The following PHYKPL variants were observed in gnomAD, a reference collection of about 807,000 sequenced individuals.
PHYKPL encodes 5-phosphohydroxy-L-lysine phospho-lyase.
PHYKPL carries 42 observed loss-of-function variants against 51.3 expected under a neutral mutation model. That is an observed-to-expected ratio of 0.82 (90% CI 0.64 to 1.06). PHYKPL has a LOEUF of 1.06. Ranked by LOEUF, PHYKPL falls within the 50% of genes least tolerant of loss-of-function variation. The probability of loss-of-function intolerance (pLI) is 0.00; values close to 1 mark genes in which losing one functional copy is unlikely to be tolerated. For missense variants in PHYKPL, 655 were observed against 586.6 expected, an observed-to-expected ratio of 1.12 and a Z score of -1.20; for synonymous variants, 264 against 236.0, an observed-to-expected ratio of 1.12 and a Z score of -1.09.
chr5:178,223,741 T>C (rs1164431189), intron 6 of PHYKPL: 1 of 336,096 alleles, frequency 3.0e-6, no homozygotes, highest in African/African-American at 2.2e-5. Context: ...CAGTGAAGCC[T>C]TCAGAGAGCC....
intron 10 of PHYKPL, among the ~76,000 whole-genome samples, chr5:178,213,419 C>T (rs1759065012): frequency 6.6e-6 from 1 of 152,224 alleles, no homozygotes; most frequent in Non-Finnish European, 1.5e-5. Flanking sequence ...CACCTGCATT[C>T]TCTGGTTTTC....
chr5:178,223,690 T>C (rs1342279559), intron 6 of PHYKPL: 1 of 348,116 alleles, frequency 2.9e-6, no homozygotes, highest in Non-Finnish European at 5.7e-6. Flanking sequence ...ACAGGCTGCC[T>C]TTCTTTGTCG....
chr5:178,219,307 A>G (rs1047317992), intron 8 of PHYKPL, among the ~76,000 whole-genome samples: 3 of 152,176 alleles, frequency 2.0e-5, no homozygotes, highest in Admixed American at 1.3e-4. Flanking sequence ...AGGGATTAGC[A>G]TAATAGATAT....
downstream of PHYKPL, among the ~76,000 whole-genome samples, chr5:178,207,665 T>TTG (rs1757135170): frequency 6.6e-6 from 1 of 151,298 alleles, no homozygotes; most frequent in South Asian, 2.1e-4. Context: ...AACCAAGTCT[T>TTG]TGTCCACTTC....
At chr5:178,232,470 C>T in intron 1 of PHYKPL, 22 bp downstream of exon 1, 2 of 1,354,734 alleles carry the variant, frequency 1.5e-6, no homozygotes, top group Non-Finnish European at 1.9e-6. Context: ...CGCCCCCCGC[C>T]GCCCGCCCCC....
chr5:178,224,956 G>C, intron 4 of PHYKPL: 4 of 572,100 alleles, frequency 7.0e-6, no homozygotes, highest in Non-Finnish European at 1.2e-5. Flanking sequence ...ATCTCTCTCG[G>C]TTGTTTTCTC....
At chr5:178,214,493 T>C (rs1759337140) in intron 10 of PHYKPL, among the ~76,000 whole-genome samples, 1 of 152,170 alleles carries the variant, frequency 6.6e-6, no homozygotes, top group East Asian at 1.9e-4. Context: ...CTGAGTGCCC[T>C]GCTAGCTTGG....
chr5:178,225,545 T>C, intron 3 of PHYKPL, 116 bp from the exon 4 acceptor site: 1 of 931,726 alleles, frequency 1.1e-6, no homozygotes, highest in Non-Finnish European at 1.7e-6. Flanking sequence ...CATCAACTAG[T>C]CAGTCACTTG....
At chr5:178,214,710 G>C (rs1433616662) in intron 10 of PHYKPL, 86 bp downstream of exon 10, 8 of 1,256,916 alleles carry the variant, frequency 6.4e-6, no homozygotes, top group African/African-American at 1.5e-5. Context: ...TGGGGGTACA[G>C]ATGAGGCTCC....
chr5:178,217,185 A>G (rs549160567), intron 8 of PHYKPL, among the ~76,000 whole-genome samples: 11 of 152,276 alleles, frequency 7.2e-5, no homozygotes, highest in South Asian at 4.1e-4. Flanking sequence ...GTTGATAAGC[A>G]CAATAAATGA....
chr5:178,217,363 G>C (rs1248764564), intron 8 of PHYKPL, among the ~76,000 whole-genome samples: 1 of 151,798 alleles, frequency 6.6e-6, no homozygotes, highest in Non-Finnish European at 1.5e-5. Context: ...TGGGACTATA[G>C]GTGCATGCCA....
chr5:178,213,591 G>A (rs75586705), intron 10 of PHYKPL, among the ~76,000 whole-genome samples: 1 of 152,212 alleles, frequency 6.6e-6, no homozygotes, highest in Non-Finnish European at 1.5e-5. Flanking sequence ...ATTATTCTTA[G>A]GAAGATGGCT....
downstream of PHYKPL, chr5:178,207,263 C>T (rs1757108022): frequency 1.2e-6 from 2 of 1,610,718 alleles, no homozygotes; most frequent in Non-Finnish European, 1.7e-6. Context: ...TCCTGTGCTG[C>T]TGGAGAGCTG....
intron 3 of PHYKPL, chr5:178,228,271 A>G (rs573664479): frequency 2.7e-5 from 13 of 479,810 alleles, no homozygotes; most frequent in Admixed American, 1.8e-4. Context: ...CAAAGAAGAC[A>G]GGGAAGGAGT....
chr5:178,232,163 G>A (rs944561354), intron 1 of PHYKPL: 9 of 1,215,102 alleles, frequency 7.4e-6, no homozygotes, highest in Non-Finnish European at 8.3e-6. Context: ...CAGGCGCCAG[G>A]GTGAAGGTCT....
At position 178,215,685 on chromosome 5, in the gene PHYKPL, C is replaced by T. The variant is rs116355293; in HGVS notation, c.928-255G>A. ...GTACAGTAGGAGCCCCTAGAAGATA[C>T]AGAATCAGAGGAGAGGGTGTCCTGT... On this transcript the variant is annotated intron_variant, in intron 8 of 12. Coordinates refer to ENST00000308158, the MANE Select transcript of PHYKPL (RefSeq NM_153373.4). 1,247 of 487,448 alleles carry T rather than the reference C, an allele frequency of 2.6e-3. 23 individuals carry two copies. The highest frequency in any genetic ancestry group is 0.022 in the African/African-American group (1,125 of 50,092). 30.2% of individuals were successfully genotyped at this position (487,448 alleles called of 1,614,324 possible).
At chr5:178,213,208 G>A in intron 10 of PHYKPL, 105 bp from the exon 11 acceptor site, 2 of 1,461,424 alleles carry the variant, frequency 1.4e-6, no homozygotes, top group Non-Finnish European at 1.9e-6. Context: ...AGCCTTCCAT[G>A]GGCCAGTTCC....
Position 178,211,969 on chromosome 5 carries a change from G to A in PHYKPL, c.1305C>T (p.Asp435=). 6.2e-7 allele frequency: 1 copy of A among 1,614,170 alleles called. No individual in the cohort carries two copies. The highest frequency in any genetic ancestry group is 1.1e-5 in the South Asian group (1 of 91,082). Residue 435 remains aspartate, a splice_region_variant and synonymous_variant, in exon 12 of 13, where the codon GAC becomes GAT. Transcript: ENST00000308158. ...VVAKLDAILT[D]MEEKVRSCET... is the part of the protein sequence containing the mutation. ...CACAACTTCTCACCTTCTCTTCCAT[G>A]TCTGAAAAAGACCACAAAGCAATGC...
At chr5:178,221,463 C>G (rs1000505586) in intron 8 of PHYKPL, among the ~76,000 whole-genome samples, 1 of 152,132 alleles carries the variant, frequency 6.6e-6, no homozygotes, top group Admixed American at 6.5e-5. Context: ...TGTCTGTGAG[C>G]CTGTCTTTCC....
Sources: gnomAD v4.1 joint callset for allele counts (sites outside exome capture counted in the v4.1 genomes callset) on GRCh38, gnomAD v4.1.1 for gene constraint, MANE v1.5 for transcripts, NCBI Gene and HGNC (gene_info 2026-07-23, HGNC 2026-07-21) for gene names.